The following SLC29A3 variants were observed in gnomAD, a reference collection of about 807,000 sequenced individuals.
SLC29A3 encodes the protein solute carrier family 29 member 3, also known as equilibrative nucleoside transporter 3.
In SLC29A3, 18 loss-of-function variants were observed where a neutral mutation model predicts 25.4. The observed-to-expected ratio is 0.71, with a 90% CI of 0.49 to 1.05. SLC29A3 has a LOEUF of 1.05. SLC29A3 is among the 50% of genes least tolerant of loss of function. SLC29A3 has a pLI of 0.00. For missense variants in SLC29A3, 586 were observed against 609.0 expected, an observed-to-expected ratio of 0.96 and a Z score of 0.40; for synonymous variants, 258 against 267.1, an observed-to-expected ratio of 0.97 and a Z score of 0.33.
At chr10:71,348,147 A>C (rs997900962) in intron 3 of SLC29A3, among the ~76,000 whole-genome samples, 1 of 152,222 alleles carries the variant, frequency 6.6e-6, no homozygotes, top group Non-Finnish European at 1.5e-5. Flanking sequence ...TTGCTTGTCA[A>C]TTTGTACATC....
rs760870496 is a variant in SLC29A3, at chr10:71,362,616, G to A, written c.*8G>A. ...CTGGTGCACCTCATCTAGAAGGGAG[G>A]ACACAAGGACATTGGTGCTTCAGAG... is the stretch of plus-strand genomic sequence containing the variant. On this transcript the variant is annotated 3_prime_UTR_variant, in exon 6 of 6. Transcript: ENST00000373189. The A allele has an allele frequency of 2.5e-6, 4 of 1,614,134 alleles. No homozygotes were observed. Among genetic ancestry groups the A allele is most frequent in the South Asian group, 2.2e-5 (2 of 91,062 alleles).
intron 2 of SLC29A3, among the ~76,000 whole-genome samples, chr10:71,343,805 C>T (rs1473697242): frequency 6.6e-6 from 1 of 152,134 alleles, no homozygotes; most frequent in Non-Finnish European, 1.5e-5. Flanking sequence ...AAAACAAAAA[C>T]GTGGATAGTC....
chr10:71,351,343 G>A, intron 3 of SLC29A3, among the ~76,000 whole-genome samples: 1 of 152,194 alleles, frequency 6.6e-6, no homozygotes, highest in Non-Finnish European at 1.5e-5. Context: ...TCTCCCCATT[G>A]TACAAGTTCA....
intron 5 of SLC29A3, among the ~76,000 whole-genome samples, chr10:71,356,839 C>T (rs1196981690): frequency 6.6e-6 from 1 of 152,138 alleles, no homozygotes; most frequent in Non-Finnish European, 1.5e-5. Flanking sequence ...AATGAACAAA[C>T]AAACAAAAGA....
chr10:71,344,166 A>G (rs769885222), intron 2 of SLC29A3, 43 bp from the exon 3 acceptor site: 1 of 1,500,806 alleles, frequency 6.7e-7, no homozygotes, highest in Non-Finnish European at 9.3e-7. Flanking sequence ...GCTCACCTCC[A>G]TCCCTGAGTG....
intron 1 of SLC29A3, among the ~76,000 whole-genome samples, chr10:71,321,560 G>GCAGC (rs748248514): frequency 6.6e-5 from 10 of 152,228 alleles, no homozygotes; most frequent in Non-Finnish European, 1.0e-4. Flanking sequence ...GCCAAATTCA[G>GCAGC]CAGCCAGCCA....
At chr10:71,329,458 A>G (rs112624002) in intron 2 of SLC29A3, among the ~76,000 whole-genome samples, 717 of 55,172 alleles carry the variant, frequency 0.013, 11 homozygotes, top group African/African-American at 0.028. Context: ...ACTCTGTCTC[A>G]AAAAAAAAAA....
chr10:71,368,466 C>T (rs1349080603), intron 3 of SLC29A3, among the ~76,000 whole-genome samples: 1 of 152,218 alleles, frequency 6.6e-6, no homozygotes, highest in Non-Finnish European at 1.5e-5. Flanking sequence ...CGCCTGGCCC[C>T]CAGGCCTAGA....
chr10:71,345,337 C>G (rs1846539856), intron 3 of SLC29A3, among the ~76,000 whole-genome samples: 1 of 152,190 alleles, frequency 6.6e-6, no homozygotes, highest in Non-Finnish European at 1.5e-5. Flanking sequence ...GCAGCTGGAG[C>G]TGCAGCCATT....
Position 71,362,399 on chromosome 10 carries a change from G to A in SLC29A3, c.1219G>A (p.Val407Met), listed in dbSNP as rs144517514. 34 of 1,614,066 alleles carry A rather than the reference G, an allele frequency of 2.1e-5. No homozygotes were observed. The Middle Eastern group carries it at 4.9e-4, about 23-fold the overall frequency. ...CCAGCCCCGCGTCCACCTGAAGACT[G>A]TGGTCTTCCAGTCCGATGTGTACCC... ...NYQPRVHLKTVVFQSDVYPAL... is the reference protein window; with the variant it reads ...NYQPRVHLKTMVFQSDVYPAL... The change falls in exon 6 of 6, where the codon GTG (valine) becomes ATG (methionine). Residue 407 changes from valine to methionine, a missense_variant. By Grantham distance (21) the Val-to-Met change is conservative. Coordinates refer to ENST00000373189, the MANE Select transcript of SLC29A3 (RefSeq NM_018344.6).
intron 1 of SLC29A3, 40 bp downstream of exon 1, chr10:71,319,350 C>T (rs915602369): frequency 2.1e-5 from 13 of 625,882 alleles, no homozygotes; most frequent in African/African-American, 1.7e-4. Context: ...GCTACGGTCC[C>T]GGCCGCCCCC....
At chr10:71,375,571 A>T (rs1243386916) in intron 3 of SLC29A3, 2 of 152,242 alleles carry the variant, frequency 1.3e-5, no homozygotes, top group African/African-American at 4.8e-5. Context: ...GTTTTCCATT[A>T]AAGTAATGAC....
intron 2 of SLC29A3, among the ~76,000 whole-genome samples, chr10:71,331,380 G>A (rs1282454204): frequency 4.6e-5 from 7 of 152,194 alleles, no homozygotes; most frequent in Non-Finnish European, 7.3e-5. Flanking sequence ...ACAAGCTGCA[G>A]GGAACTGTGA....
intron 3 of SLC29A3, among the ~76,000 whole-genome samples, chr10:71,373,115 A>G (rs558997529): frequency 3.9e-5 from 6 of 152,184 alleles, no homozygotes; most frequent in Non-Finnish European, 8.8e-5. Context: ...TGCTGAGGTG[A>G]TGTTAACTGT....
intron 3 of SLC29A3, among the ~76,000 whole-genome samples, chr10:71,347,705 C>G (rs1467764005): frequency 1.3e-5 from 2 of 152,252 alleles, no homozygotes; most frequent in South Asian, 2.1e-4. Context: ...GGGAAGGAGA[C>G]CTGTGCGGGT....
At chr10:71,359,593 T>C (rs1302967664) in intron 5 of SLC29A3, among the ~76,000 whole-genome samples, 2 of 152,236 alleles carry the variant, frequency 1.3e-5, no homozygotes, top group African/African-American at 4.8e-5. Context: ...TTCTGGATTC[T>C]GGGGACGGGC....
intron 1 of SLC29A3, among the ~76,000 whole-genome samples, chr10:71,320,985 A>C (rs545780863): frequency 7.9e-5 from 12 of 152,130 alleles, no homozygotes; most frequent in African/African-American, 2.2e-4. Context: ...TCTACTAGTT[A>C]TGTGACCCTG....
rs1453680369 is a variant in SLC29A3, at chr10:71,322,864, ACCGCC to A, written c.112_116del (p.Arg38AlafsTer56). 1 of 1,614,044 alleles carries A rather than the reference ACCGCC, an allele frequency of 6.2e-7. No individual in the cohort carries two copies. The highest frequency in any genetic ancestry group is 8.5e-7 in the Non-Finnish European group (1 of 1,180,038). On this transcript the variant is annotated frameshift_variant, in exon 2 of 6. Coordinates refer to ENST00000373189, the MANE Select transcript of SLC29A3 (RefSeq NM_018344.6). LOFTEE classifies it high-confidence loss of function. Reference sequence around the variant, plus strand: ...GAGGCACTGCTTGAGAAGCTGCTGGACCGCCCGCCCCCTGGCCTGCAGAGGCCCGA... The same window carrying A: ...GAGGCACTGCTTGAGAAGCTGCTGGACGCCCCCTGGCCTGCAGAGGCCCGA...
intron 2 of SLC29A3, among the ~76,000 whole-genome samples, chr10:71,325,210 GT>G (rs1449045141): frequency 3.9e-5 from 6 of 152,198 alleles, no homozygotes; most frequent in Admixed American, 2.6e-4. Context: ...GCTGTCCTCA[GT>G]TTTATAGGCA....
Sources: allele counts gnomAD v4.1 joint callset (sites outside exome capture counted in the v4.1 genomes callset), GRCh38; gene constraint gnomAD v4.1.1; transcripts MANE v1.5; gene names NCBI Gene and HGNC (gene_info 2026-07-23, HGNC 2026-07-21).